The following CCDC63 variants were observed in gnomAD, a reference collection of about 807,000 sequenced individuals.
The protein encoded by CCDC63 is coiled-coil domain-containing protein 63.
In CCDC63, 54 loss-of-function variants were observed where a neutral mutation model predicts 63.6. The ratio of observed to expected loss-of-function variants is 0.85; its 90% CI spans 0.68 to 1.07. The LOEUF (loss-of-function observed/expected upper bound fraction) is 1.07, where lower values mean the gene tolerates loss of function less well. CCDC63 is among the 50% of genes least tolerant of loss of function. CCDC63 has a pLI of 0.00. For synonymous variants in CCDC63, 253 were observed against 266.1 expected (o/e 0.95, Z 0.48); for missense variants, 637 against 689.6 (o/e 0.92, Z 0.86).
At position 110,888,791 on chromosome 12, in the gene CCDC63, TTCCTTCC is replaced by T. The variant is rs1179964159; in HGVS notation, c.1075-4283_1075-4277del. On this transcript the variant is annotated intron_variant, in intron 8 of 11. Coordinates refer to ENST00000308208, the MANE Select transcript of CCDC63 (RefSeq NM_152591.3). Reference sequence around the variant, plus strand: ...AACTTTTTTTTTGGTCCTTCTTTCCTTCCTTCCTTCCTTCCTTCCTTCCTTCCTTCCT... The same window carrying T: ...AACTTTTTTTTTGGTCCTTCTTTCCTTTCCTTCCTTCCTTCCTTCCTTCCT... Among the ~76,000 whole-genome samples, 17 of 4,546 alleles carry T rather than the reference TTCCTTCC, an allele frequency of 3.7e-3. 1 individual carries two copies. The South Asian group carries it at 0.09, about 24-fold the overall frequency. The allele number at this position is 4,546 out of a possible 152,430, so 3.0% of individuals were successfully genotyped here.
At position 110,884,028 on chromosome 12, in the gene CCDC63, A is replaced by G. The variant is rs905711274; in HGVS notation, c.854-2A>G. The G allele has an allele frequency of 4.3e-6, 7 of 1,612,628 alleles. No individual in the cohort carries two copies. Among genetic ancestry groups the G allele is most frequent in the East Asian group, 2.2e-5 (1 of 44,856 alleles). ...CACAGTGGCTGATTTTTCCTTTCCT[A>G]GCTCTCAAGGCAAAGAAGCATGTCA... On this transcript the variant is annotated splice_acceptor_variant, in intron 7 of 11. Transcript: ENST00000308208. LOFTEE classifies it high-confidence loss of function.
At chr12:110,906,278 G>A (rs1566145011) in intron 11 of CCDC63, among the ~76,000 whole-genome samples, 2 of 141,498 alleles carry the variant, frequency 1.4e-5, no homozygotes, top group Non-Finnish European at 3.0e-5. Flanking sequence ...TGTGAGAGGG[G>A]GAGGGAGAGG....
At chr12:110,893,752 C>A (rs1460043752) in intron 9 of CCDC63, among the ~76,000 whole-genome samples, 1 of 152,028 alleles carries the variant, frequency 6.6e-6, no homozygotes, top group Non-Finnish European at 1.5e-5. Context: ...ATAGGGACTC[C>A]AAATAATAGT....
At chr12:110,887,571 G>A (rs970538163) in intron 8 of CCDC63, among the ~76,000 whole-genome samples, 11 of 152,082 alleles carry the variant, frequency 7.2e-5, no homozygotes, top group African/African-American at 1.4e-4. Context: ...AGGGGGCTGG[G>A]ACCCTACCTT....
rs529030574 is a variant in CCDC63 at position 110,860,531 on chromosome 12, G to T, written c.369+1756G>T. Among the ~76,000 whole-genome samples the T allele has an allele frequency of 9.5e-4, 144 of 152,292 alleles. 1 individual carries two copies. Among genetic ancestry groups the T allele is most frequent in the African/African-American group, 3.3e-3 (139 of 41,544 alleles). On this transcript the variant is annotated intron_variant, in intron 4 of 11. Coordinates refer to ENST00000308208, the MANE Select transcript of CCDC63 (RefSeq NM_152591.3). Reference sequence around the variant, plus strand: ...GTAAACATTTACTATTTCTATTATAGTATTAATTAATTGCTATAAAGAAAC... The same window carrying T: ...GTAAACATTTACTATTTCTATTATATTATTAATTAATTGCTATAAAGAAAC...
At chr12:110,890,626 TAGAC>T (rs751343546) in intron 8 of CCDC63, among the ~76,000 whole-genome samples, 57 of 133,796 alleles carry the variant, frequency 4.3e-4, no homozygotes, top group African/African-American at 1.0e-3. Flanking sequence ...TTTGCACACA[TAGAC>T]AGACACACAC....
At chr12:110,861,726 A>ATTTT (rs68137795) in intron 4 of CCDC63, among the ~76,000 whole-genome samples, 5 of 138,422 alleles carry the variant, frequency 3.6e-5, no homozygotes, top group Non-Finnish European at 3.1e-5. Flanking sequence ...TGCCTGGCTA[A>ATTTT]TTTTTTTTTT....
At chr12:110,906,781 G>A (rs139973798) in intron 11 of CCDC63, among the ~76,000 whole-genome samples, 75 of 152,280 alleles carry the variant, frequency 4.9e-4, no homozygotes, top group African/African-American at 1.8e-3. Context: ...CGCCCTTTCA[G>A]TTCCTAAAAG....
In CCDC63 at chr12:110,858,703, G is replaced by T. The variant is rs367567349; in HGVS notation, c.297G>T (p.Leu99=). Residue 99 remains leucine, a synonymous_variant, in exon 4 of 12, where the codon CTG becomes CTT. Coordinates refer to ENST00000308208, the MANE Select transcript of CCDC63 (RefSeq NM_152591.3). Reference sequence around the variant, plus strand: ...AGAACTACATGGAGCTGCGACTCCTGCTCCAAACTAAGGAGGACTATGAGG... The same window carrying T: ...AGAACTACATGGAGCTGCGACTCCTTCTCCAAACTAAGGAGGACTATGAGG... ...SEKNYMELRL[L]LQTKEDYEAL... 5.6e-6 allele frequency: 9 copies of T among 1,613,972 alleles called. No homozygotes were observed. The highest frequency in any genetic ancestry group is 3.3e-5 in the Admixed American group (2 of 59,956).
intron 4 of CCDC63, among the ~76,000 whole-genome samples, chr12:110,861,462 G>A (rs2070852343): frequency 2.0e-5 from 3 of 152,104 alleles, no homozygotes; most frequent in Non-Finnish European, 4.4e-5. Context: ...TAAGCCCACA[G>A]TACTGTCCCT....
chr12:110,868,760 G>T (rs868344580), intron 4 of CCDC63, among the ~76,000 whole-genome samples: 1 of 115,792 alleles, frequency 8.6e-6, no homozygotes, highest in Non-Finnish European at 1.8e-5. Context: ...AGGGGAAGGG[G>T]GAGGGGGAGG....
intron 1 of CCDC63, among the ~76,000 whole-genome samples, chr12:110,851,897 C>T (rs568408710): frequency 9.9e-5 from 15 of 152,222 alleles, no homozygotes; most frequent in Admixed American, 4.6e-4. Context: ...GTGGCTTGCC[C>T]GAGGTTAATA....
chr12:110,845,160 CAA>C (rs1236677093), upstream of CCDC63, among the ~76,000 whole-genome samples: 1 of 152,172 alleles, frequency 6.6e-6, no homozygotes, highest in Non-Finnish European at 1.5e-5. Context: ...CCCATAAAGA[CAA>C]AGAGAGTAAA....
chr12:110,879,856 T>C (rs2071174963), intron 5 of CCDC63, 50 bp from the exon 6 acceptor site: 1 of 1,587,024 alleles, frequency 6.3e-7, no homozygotes, highest in South Asian at 1.1e-5. Flanking sequence ...TGGTAGCTTA[T>C]CTTACAAAAC....
At chr12:110,845,116 A>G (rs2070623883), upstream of CCDC63, among the ~76,000 whole-genome samples, 2 of 152,224 alleles carry the variant, frequency 1.3e-5, no homozygotes, top group East Asian at 3.8e-4. Flanking sequence ...AAAAAGCCTG[A>G]TACGTCTCTG....
At chr12:110,900,941 A>T (rs1452193959) in intron 10 of CCDC63, among the ~76,000 whole-genome samples, 1 of 152,178 alleles carries the variant, frequency 6.6e-6, no homozygotes, top group African/African-American at 2.4e-5. Context: ...GAGGTTCCCC[A>T]AACACATTCT....
chr12:110,859,339 C>T (rs1293666615), intron 4 of CCDC63, among the ~76,000 whole-genome samples: 1 of 151,228 alleles, frequency 6.6e-6, no homozygotes, highest in Non-Finnish European at 1.5e-5. Context: ...AAGAGTCTTG[C>T]TCTCTTGCCC....
intron 4 of CCDC63, among the ~76,000 whole-genome samples, chr12:110,867,823 C>T (rs1319923177): frequency 3.9e-4 from 59 of 149,852 alleles, no homozygotes; most frequent in African/African-American, 1.2e-3. Context: ...CCAGTAGGGG[C>T]GGCCGGGCAG....
chr12:110,845,942 T>C (rs547804090), upstream of CCDC63: 1 of 127,396 alleles, frequency 7.8e-6, no homozygotes, highest in Non-Finnish European at 1.6e-5. Context: ...AAATTTGTTA[T>C]ATTTTTAGTA....
Sources: gnomAD v4.1 joint callset for allele counts (sites outside exome capture counted in the v4.1 genomes callset) on GRCh38, gnomAD v4.1.1 for gene constraint, MANE v1.5 for transcripts, NCBI Gene and HGNC (gene_info 2026-07-23, HGNC 2026-07-21) for gene names.